The following SPAG16 variants were observed in gnomAD, a reference collection of about 807,000 sequenced individuals.
SPAG16 encodes the protein sperm-associated antigen 16 protein.
In SPAG16, 86 loss-of-function variants were observed where a neutral mutation model predicts 80.4. The ratio of observed to expected loss-of-function variants is 1.07; its 90% CI spans 0.90 to 1.28. The LOEUF (loss-of-function observed/expected upper bound fraction) is 1.28, where lower values mean the gene tolerates loss of function less well. Among genes scored for constraint, SPAG16 ranks in the 50% most tolerant of loss-of-function variants. SPAG16 has a pLI of 0.00. For synonymous variants in SPAG16, 294 were observed against 265.9 expected (o/e 1.11, Z -1.03); for missense variants, 870 against 765.3 (o/e 1.14, Z -1.61).
intron 13 of SPAG16, among the ~76,000 whole-genome samples, chr2:214,092,638 G>C (rs1369435921): frequency 1.3e-5 from 2 of 151,670 alleles, no homozygotes; most frequent in African/African-American, 2.4e-5. Flanking sequence ...TTAAAATTTT[G>C]ATAATTAACT....
At chr2:213,744,784 T>G (rs1323841753) in intron 10 of SPAG16, among the ~76,000 whole-genome samples, 1 of 152,204 alleles carries the variant, frequency 6.6e-6, no homozygotes, top group Non-Finnish European at 1.5e-5. Context: ...GATACATAGT[T>G]TGGCATATGG....
At chr2:213,693,272 G>T (rs2065021898) in intron 10 of SPAG16, among the ~76,000 whole-genome samples, 1 of 152,202 alleles carries the variant, frequency 6.6e-6, no homozygotes, top group Non-Finnish European at 1.5e-5. Flanking sequence ...CTGCCAGGGT[G>T]CTTAGAACCA....
At chr2:213,541,016 A>AG (rs1349175564) in intron 10 of SPAG16, among the ~76,000 whole-genome samples, 3 of 152,238 alleles carry the variant, frequency 2.0e-5, no homozygotes, top group Middle Eastern at 3.2e-3. Flanking sequence ...TAAAGACTAG[A>AG]GGGGCTTTCC....
chr2:214,171,247 A>G (rs1412197717), intron 15 of SPAG16, among the ~76,000 whole-genome samples: 1 of 151,830 alleles, frequency 6.6e-6, no homozygotes, highest in Non-Finnish European at 1.5e-5. Flanking sequence ...CCTTAGTTAC[A>G]CTGGACCTTA....
chr2:214,197,357 A>G (rs1180820454), intron 15 of SPAG16, among the ~76,000 whole-genome samples: 1 of 152,008 alleles, frequency 6.6e-6, no homozygotes, highest in Non-Finnish European at 1.5e-5. Flanking sequence ...AAAGGCTGTT[A>G]GCTTTATTTG....
At chr2:213,468,445 A>G (rs28807766) in intron 9 of SPAG16, among the ~76,000 whole-genome samples, 54 of 135,714 alleles carry the variant, frequency 4.0e-4, no homozygotes, top group African/African-American at 1.6e-3. Flanking sequence ...ATGTATTTAT[A>G]TATAGATATA....
chr2:214,232,726 C>A (rs1234900473), intron 15 of SPAG16, among the ~76,000 whole-genome samples: 1 of 151,912 alleles, frequency 6.6e-6, no homozygotes, highest in Non-Finnish European at 1.5e-5. Flanking sequence ...AATGTATATT[C>A]AATGACTATA....
chr2:214,405,454 G>A (rs1701943248), intron 15 of SPAG16, among the ~76,000 whole-genome samples: 1 of 152,154 alleles, frequency 6.6e-6, no homozygotes, highest in African/African-American at 2.4e-5. Flanking sequence ...AAATTCTAAA[G>A]CCAGTAAATG....
At chr2:213,867,035 T>C (rs2075717097) in intron 11 of SPAG16, among the ~76,000 whole-genome samples, 1 of 152,188 alleles carries the variant, frequency 6.6e-6, no homozygotes, top group South Asian at 2.1e-4. Flanking sequence ...CATAACTGAT[T>C]ATTTCTATCT....
intron 15 of SPAG16, among the ~76,000 whole-genome samples, chr2:214,290,239 G>C (rs773269561): frequency 6.6e-6 from 1 of 151,982 alleles, no homozygotes; most frequent in Non-Finnish European, 1.5e-5. Flanking sequence ...ATGATCTTTT[G>C]TATTTTGTTG....
At chr2:213,440,680 A>G (rs976039389) in intron 9 of SPAG16, among the ~76,000 whole-genome samples, 56 of 152,358 alleles carry the variant, frequency 3.7e-4, no homozygotes, top group African/African-American at 1.2e-3. Flanking sequence ...GTGATAAAAT[A>G]ACAGTACTTT....
intron 11 of SPAG16, among the ~76,000 whole-genome samples, chr2:213,891,907 C>G (rs142220398): frequency 3.3e-5 from 5 of 152,132 alleles, no homozygotes; most frequent in African/African-American, 4.8e-5. Context: ...TCTTCCCCAT[C>G]ATATTGGGTA....
chr2:213,292,630 C>T (rs2062326307), intron 1 of SPAG16, among the ~76,000 whole-genome samples: 1 of 140,816 alleles, frequency 7.1e-6, no homozygotes, highest in Non-Finnish European at 1.5e-5. Flanking sequence ...CGCCACTGCA[C>T]TCCAGCCTGG....
intron 9 of SPAG16, among the ~76,000 whole-genome samples, chr2:213,403,351 C>T (rs1325051779): frequency 6.6e-6 from 1 of 151,992 alleles, no homozygotes; most frequent in Non-Finnish European, 1.5e-5. Context: ...GAGTAGGTTG[C>T]AAAAATTTTC....
At chr2:213,718,428 G>A (rs899129015) in intron 10 of SPAG16, among the ~76,000 whole-genome samples, 5 of 152,172 alleles carry the variant, frequency 3.3e-5, no homozygotes, top group Admixed American at 1.3e-4. Context: ...TGCACTGTGG[G>A]AGCCCCTTTC....
At chr2:214,062,696 C>G (rs1173755426) in intron 13 of SPAG16, among the ~76,000 whole-genome samples, 2 of 125,562 alleles carry the variant, frequency 1.6e-5, no homozygotes, top group East Asian at 4.2e-4. Flanking sequence ...TTAGTCTCTG[C>G]TCTCTTATAG....
intron 10 of SPAG16, among the ~76,000 whole-genome samples, chr2:213,700,415 TAACACATC>T (rs372881410): frequency 0.014 from 2,136 of 152,292 alleles, 19 homozygotes; most frequent in South Asian, 0.022. Context: ...GGTGGAAATA[TAACACATC>T]ATATTTATAT....
At chr2:213,837,419 A>G (rs529875803) in intron 10 of SPAG16, among the ~76,000 whole-genome samples, 57 of 152,324 alleles carry the variant, frequency 3.7e-4, no homozygotes, top group African/African-American at 1.3e-3. Context: ...AATTATGCCA[A>G]ATGGTCCTTG....
At chr2:213,340,852 T>C (rs1369942236) in intron 6 of SPAG16, among the ~76,000 whole-genome samples, 2 of 152,108 alleles carry the variant, frequency 1.3e-5, no homozygotes, top group Non-Finnish European at 2.9e-5. Flanking sequence ...AGAAAATAAA[T>C]TTACAATCCT....
Sources: gnomAD v4.1 joint callset for allele counts (sites outside exome capture counted in the v4.1 genomes callset) on GRCh38, gnomAD v4.1.1 for gene constraint, MANE v1.5 for transcripts, NCBI Gene and HGNC (gene_info 2026-07-23, HGNC 2026-07-21) for gene names.